TTC1: variants seen among roughly 807,000 people sequenced by gnomAD.
The protein encoded by TTC1 is tetratricopeptide repeat domain 1.
A neutral mutation model predicts 37.6 loss-of-function variants in TTC1; 31 were observed. The observed-to-expected ratio is 0.82, with a 90% CI of 0.62 to 1.11. The LOEUF (loss-of-function observed/expected upper bound fraction) is 1.11, where lower values mean the gene tolerates loss of function less well. Among genes scored for constraint, TTC1 ranks in the 50% most tolerant of loss-of-function variants. The probability of loss-of-function intolerance (pLI) is 0.00; values close to 1 mark genes in which losing one functional copy is unlikely to be tolerated. For synonymous variants in TTC1, 127 were observed against 122.4 expected, an observed-to-expected ratio of 1.04 and a Z score of -0.25; for missense variants, 351 against 339.0, an observed-to-expected ratio of 1.04 and a Z score of -0.28.
chr5:160,032,381 T>C (rs1443155192), intron 2 of TTC1, among the ~76,000 whole-genome samples: 1 of 152,226 alleles, frequency 6.6e-6, no homozygotes, highest in African/African-American at 2.4e-5. Flanking sequence ...CTTAAATAAC[T>C]GTTAACTGAA....
chr5:160,061,075 G>A lies in TTC1; in HGVS notation c.746-3857G>A, dbSNP rs35545476. Among the ~76,000 whole-genome samples, 405 of 152,318 alleles carry A rather than the reference G, an allele frequency of 2.7e-3. 5 individuals are homozygous for A. The highest frequency in any genetic ancestry group is 3.7e-3 in the Non-Finnish European group (252 of 68,028). On this transcript the variant is annotated intron_variant, in intron 7 of 7. Coordinates refer to ENST00000231238, the MANE Select transcript of TTC1 (RefSeq NM_003314.3). ...AGTGGCCTCCTGTGGCACGGGAACCGTAGGCTGACGGGCCTGGCTCAGGAC... is the reference window on the plus strand; with the variant it reads ...AGTGGCCTCCTGTGGCACGGGAACCATAGGCTGACGGGCCTGGCTCAGGAC...
In TTC1 at chr5:160,030,980, T is replaced by A. The variant is rs142308230; in HGVS notation, c.331-4160T>A. Among the ~76,000 whole-genome samples the A allele has an allele frequency of 5.6e-3, 855 of 152,302 alleles. 12 individuals are homozygous for A. Among genetic ancestry groups the A allele is most frequent in the African/African-American group, 0.02 (818 of 41,562 alleles). On this transcript the variant is annotated intron_variant, in intron 2 of 7. Transcript: ENST00000231238. ...TGAATGCTCCTGGCACCTAGCACGC[T>A]AAGGAAGACCTATACACTATCTATC...
At chr5:160,044,975 A>C (rs1452691230) in intron 5 of TTC1, among the ~76,000 whole-genome samples, 1 of 152,202 alleles carries the variant, frequency 6.6e-6, no homozygotes, top group African/African-American at 2.4e-5. Context: ...ATATTATAAT[A>C]TAGAAGACCA....
intron 2 of TTC1, among the ~76,000 whole-genome samples, chr5:160,013,077 T>C (rs1027915124): frequency 1.3e-5 from 2 of 152,224 alleles, no homozygotes; most frequent in African/African-American, 2.4e-5. Context: ...TCATAGCTAA[T>C]TTGAAAATTT....
chr5:160,058,251 G>A (rs897562624), intron 7 of TTC1, among the ~76,000 whole-genome samples: 1 of 152,108 alleles, frequency 6.6e-6, no homozygotes, highest in African/African-American at 2.4e-5. Flanking sequence ...TCGAATTCTA[G>A]TTACCTTGTT....
In TTC1 at chr5:160,049,583, A is replaced by T; in HGVS notation, c.611A>T (p.Lys204Met). Reference sequence around the variant, plus strand: ...GCAGAGTTGTATGAGAAGACGGACAAGCTAGATGAAGCCCTGGAAGACTAT... The same window carrying T: ...GCAGAGTTGTATGAGAAGACGGACATGCTAGATGAAGCCCTGGAAGACTAT... ...RRAELYEKTD[K>M]LDEALEDYKS... The change falls in exon 6 of 8, where the codon AAG (lysine) becomes ATG (methionine). Residue 204 changes from lysine to methionine, a missense_variant. By Grantham distance (95) the Lys-to-Met change is moderately conservative (BLOSUM62 -1). Transcript: ENST00000231238. 6.2e-7 allele frequency: 1 copy of T among 1,612,434 alleles called. No individual in the cohort carries two copies. Among genetic ancestry groups the T allele is most frequent in the Non-Finnish European group, 8.5e-7 (1 of 1,179,338 alleles).
chr5:160,049,511 C>T lies in TTC1; in HGVS notation c.542-3C>T. ...ATAAAAATTATTTCTTCTCTTTTTA[C>T]AGCAATTCAATTAAACCCCAGCTAT... On this transcript the variant is annotated splice_region_variant and splice_polypyrimidine_tract_variant and intron_variant, in intron 5 of 7. Coordinates refer to ENST00000231238, the MANE Select transcript of TTC1 (RefSeq NM_003314.3). 1.9e-6 allele frequency: 3 copies of T among 1,560,476 alleles called. No individual in the cohort carries two copies. Among genetic ancestry groups the T allele is most frequent in the Non-Finnish European group, 1.7e-6 (2 of 1,160,868 alleles).
rs75337040 is a variant in TTC1, at chr5:160,030,392, G to A, written c.331-4748G>A. ...CTTGAGTAGGTTGGAATAGAAGCTT[G>A]ATGTAGTGTGAACAAGAGATTTCTG... On this transcript the variant is annotated intron_variant, in intron 2 of 7. Coordinates refer to ENST00000231238, the MANE Select transcript of TTC1 (RefSeq NM_003314.3). Among the ~76,000 whole-genome samples, 1,343 of 152,312 alleles carry A rather than the reference G, an allele frequency of 8.8e-3. 13 individuals are homozygous for A. The highest frequency in any genetic ancestry group is 0.017 in the African/African-American group (722 of 41,564).
At chr5:160,054,596 T>C (rs1757492835) in intron 7 of TTC1, among the ~76,000 whole-genome samples, 1 of 150,518 alleles carries the variant, frequency 6.6e-6, no homozygotes, top group African/African-American at 2.4e-5. Context: ...CAAGACCCTG[T>C]CTCAAAAACA....
chr5:160,046,237 GGTCATCAGCA>G (rs1757242551), intron 5 of TTC1, among the ~76,000 whole-genome samples: 1 of 152,136 alleles, frequency 6.6e-6, no homozygotes, highest in Non-Finnish European at 1.5e-5. Context: ...ATCTTGTAAA[GGTCATCAGCA>G]GTTTCATCTT....
Position 160,035,126 on chromosome 5 carries a change from C to T in TTC1, c.331-14C>T. ...ATATTGTGAGAAATTATGTAATTCTCTGATGTCTTTCAGAAAAGAAGAGAA... is the reference window on the plus strand; with the variant it reads ...ATATTGTGAGAAATTATGTAATTCTTTGATGTCTTTCAGAAAAGAAGAGAA... On this transcript the variant is annotated splice_polypyrimidine_tract_variant and intron_variant, in intron 2 of 7. Coordinates refer to ENST00000231238, the MANE Select transcript of TTC1 (RefSeq NM_003314.3). 1.9e-6 allele frequency: 3 copies of T among 1,588,628 alleles called. No individual in the cohort carries two copies. Among genetic ancestry groups the T allele is most frequent in the Non-Finnish European group, 2.6e-6 (3 of 1,170,828 alleles).
At chr5:160,044,132 A>C (rs1757156915) in intron 5 of TTC1, among the ~76,000 whole-genome samples, 1 of 151,988 alleles carries the variant, frequency 6.6e-6, no homozygotes, top group Admixed American at 6.6e-5. Flanking sequence ...CTATTTTTTT[A>C]GTTTTTCTTC....
intron 2 of TTC1, among the ~76,000 whole-genome samples, chr5:160,026,198 T>C (rs1013209752): frequency 1.3e-5 from 2 of 152,168 alleles, no homozygotes; most frequent in African/African-American, 4.8e-5. Flanking sequence ...GAAGAAAAGT[T>C]GTTTGGCTAG....
At chr5:160,046,995 G>C (rs1369478997) in intron 5 of TTC1, among the ~76,000 whole-genome samples, 1 of 152,144 alleles carries the variant, frequency 6.6e-6, no homozygotes, top group Non-Finnish European at 1.5e-5. Context: ...CTGGGTGACA[G>C]AGCAAGATTC....
chr5:160,041,313 CT>C (rs368094676), intron 4 of TTC1, among the ~76,000 whole-genome samples: 309 of 135,538 alleles, frequency 2.3e-3, no homozygotes, highest in Non-Finnish European at 1.9e-3. Context: ...TGCTTTCTTT[CT>C]TTTTTTTTTT....
At chr5:160,046,399 A>G (rs1053349739) in intron 5 of TTC1, among the ~76,000 whole-genome samples, 1 of 150,434 alleles carries the variant, frequency 6.6e-6, no homozygotes, top group Admixed American at 6.6e-5. Flanking sequence ...TTCATTGGCT[A>G]TTCCTTCTTA....
chr5:160,063,359 G>A (rs956986376), intron 7 of TTC1, among the ~76,000 whole-genome samples: 1 of 152,120 alleles, frequency 6.6e-6, no homozygotes, highest in African/African-American at 2.4e-5. Flanking sequence ...GTGACAACAG[G>A]TGTGTGCCAC....
intron 5 of TTC1, 89 bp downstream of exon 5, chr5:160,043,258 T>C (rs1040647878): frequency 5.0e-6 from 7 of 1,397,556 alleles, no homozygotes; most frequent in Non-Finnish European, 6.9e-6. Context: ...CTTGTACATG[T>C]GTACCCTTCC....
chr5:160,011,850 A>G (rs1262830189), intron 2 of TTC1, among the ~76,000 whole-genome samples: 3 of 152,112 alleles, frequency 2.0e-5, no homozygotes, highest in Non-Finnish European at 4.4e-5. Flanking sequence ...ACAGGTTGTG[A>G]TACATTGGTA....
Sources: gnomAD v4.1 joint callset for allele counts (sites outside exome capture counted in the v4.1 genomes callset) on GRCh38, gnomAD v4.1.1 for gene constraint, MANE v1.5 for transcripts, NCBI Gene and HGNC (gene_info 2026-07-23, HGNC 2026-07-21) for gene names.